The following DGKA variants were observed in gnomAD, a reference collection of about 807,000 sequenced individuals.
DGKA encodes the protein diacylglycerol kinase alpha, also known as 80 kDa diacylglycerol kinase.
Under a neutral mutation model 105.0 loss-of-function variants are expected in DGKA, and 35 were observed. The observed-to-expected ratio is 0.33, with a 90% CI of 0.25 to 0.44. DGKA has a LOEUF of 0.44. Among genes scored for constraint, DGKA ranks in the 20% least tolerant of loss-of-function variants. DGKA has a pLI of 1.00. For missense variants in DGKA, 665 were observed against 915.0 expected (o/e 0.73, Z 3.53); for synonymous variants, 296 against 332.0 (o/e 0.89, Z 1.18).
intron 17 of DGKA, among the ~76,000 whole-genome samples, chr12:55,944,074 T>C (rs1391892949): frequency 1.3e-5 from 2 of 152,164 alleles, no homozygotes; most frequent in Non-Finnish European, 2.9e-5. Context: ...GGTCAGAAGA[T>C]CGCTTTAAGC....
Position 55,953,053 on chromosome 12 carries a change from G to A in DGKA, c.1956G>A (p.Lys652=). ...CTTCGTCCCCAGACCTAAGTGACAA[G>A]AGACTGGAAGTGGTTGGGCTGGAGG... ...LKTCVPDLSD[K]RLEVVGLEGA... is the part of the protein sequence containing the mutation. Residue 652 remains lysine (K), a synonymous_variant, in exon 22 of 24, where the codon AAG becomes AAA. Coordinates refer to ENST00000331886, the MANE Select transcript of DGKA (RefSeq NM_001345.5). The A allele has an allele frequency of 4.3e-6, 7 of 1,614,182 alleles. No homozygotes were observed. Among genetic ancestry groups the A allele is most frequent in the East Asian group, 2.2e-5 (1 of 44,882 alleles).
rs1484555541 is a variant in DGKA, at chr12:55,953,065, G to T, written c.1968G>T (p.Val656=). ...VPDLSDKRLE[V]VGLEGAIEMG... Reference sequence around the variant, plus strand: ...ACCTAAGTGACAAGAGACTGGAAGTGGTTGGGCTGGAGGGTGCAATTGAGA... The same window carrying T: ...ACCTAAGTGACAAGAGACTGGAAGTTGTTGGGCTGGAGGGTGCAATTGAGA... The change falls in exon 22 of 24, where the codon GTG becomes GTT. Residue 656 remains valine, a synonymous_variant. Coordinates refer to ENST00000331886, the MANE Select transcript of DGKA (RefSeq NM_001345.5). 2.5e-6 allele frequency: 4 copies of T among 1,614,046 alleles called. No homozygotes were observed. Among genetic ancestry groups the T allele is most frequent in the Non-Finnish European group, 3.4e-6 (4 of 1,180,044 alleles).
intron 8 of DGKA, 39 bp from the exon 9 acceptor site, chr12:55,939,376 G>A: frequency 6.2e-7 from 1 of 1,613,840 alleles, no homozygotes; most frequent in Admixed American, 1.7e-5. Context: ...GGCCCTGTAA[G>A]GGCTTTGACA....
chr12:55,940,978 C>A lies in DGKA; in HGVS notation c.1099C>A (p.Arg367=). The change falls in exon 13 of 24, where the codon CGG becomes AGG. Residue 367 remains arginine (R), a splice_region_variant and synonymous_variant. Transcript: ENST00000331886. The surrounding 1 kb of genome is among the most constrained non-coding windows in gnomAD (Gnocchi z 4.3). ...AAATTTGAGCACCTCTGAGGCTCTG[C>A]GGGTACAGGGCTGAGAGTCTTGGGC... is the stretch of plus-strand genomic sequence containing the variant. ...DLNLSTSEAL[R]IDPVPNTHPL... 1.9e-6 allele frequency: 3 copies of A among 1,613,492 alleles called. No individual in the cohort carries two copies. The highest frequency in any genetic ancestry group is 1.7e-6 in the Non-Finnish European group (2 of 1,179,682).
intron 1 of DGKA, chr12:55,933,415 C>T (rs1884048818): frequency 1.3e-5 from 2 of 152,148 alleles, no homozygotes; most frequent in Admixed American, 1.3e-4. Context: ...CAGACCCCAC[C>T]CTCCCAGCCC....
At chr12:55,946,044 T>C (rs767550720) in intron 17 of DGKA, among the ~76,000 whole-genome samples, 1 of 152,178 alleles carries the variant, frequency 6.6e-6, no homozygotes, top group Non-Finnish European at 1.5e-5. Context: ...TGCCTCAGCC[T>C]CCCAAAGTGC....
upstream of DGKA, chr12:55,927,760 A>G (rs1254945367): frequency 3.2e-6 from 5 of 1,539,236 alleles, no homozygotes; most frequent in Admixed American, 2.0e-5. Context: ...GGCAGCTTCC[A>G]TGGCCGAAGA....
rs775942928 is a variant in DGKA, at chr12:55,952,316, G to A, written c.1653-25G>A. On this transcript the variant is annotated intron_variant, in intron 19 of 23. Coordinates refer to ENST00000331886, the MANE Select transcript of DGKA (RefSeq NM_001345.5). The surrounding 1 kb of genome is among the most constrained non-coding windows in gnomAD (Gnocchi z 5.1). ...ACTGTGTAACCTGTCCCTCCCTACT[G>A]GGCCTTGTGTTGGGGCTGACACAGA... is the stretch of plus-strand genomic sequence containing the variant. 1 of 1,611,814 alleles carries A rather than the reference G, an allele frequency of 6.2e-7. No homozygotes were observed. The highest frequency in any genetic ancestry group is 1.1e-5 in the South Asian group (1 of 91,018).
upstream of DGKA, chr12:55,927,663 A>C: frequency 2.0e-6 from 3 of 1,530,818 alleles, no homozygotes; most frequent in Non-Finnish European, 8.8e-7. Context: ...CGGCCAACCC[A>C]CTCAACCACC....
chr12:55,928,059 C>G (rs189061360), upstream of DGKA: 1 of 455,228 alleles, frequency 2.2e-6, no homozygotes, highest in Non-Finnish European at 3.9e-6. Context: ...CTGCCCTGCG[C>G]CGTACCTCCC....
At chr12:55,939,929 G>A (rs1885545797) in intron 9 of DGKA, 153 bp from the exon 10 acceptor site, 3 of 673,166 alleles carry the variant, frequency 4.5e-6, no homozygotes, top group Middle Eastern at 4.1e-4. Flanking sequence ...AGGAAAAGGC[G>A]TGGGTTTTGG....
rs1480263428 is a variant in DGKA, at chr12:55,939,479, A to G, written c.659A>G (p.Asn220Ser). ...AGGTTCCCCAGACCAGTCTACTGCA[A>G]TCTGTGCGAGTCAAGCATTGGTCTT... ...PKRFPRPVYC[N>S]LCESSIGLGK... The change falls in exon 9 of 24, where the codon AAT becomes AGT. Residue 220 changes from asparagine (N) to serine (S), a missense_variant. By Grantham distance (46) the Asn-to-Ser change is conservative. Transcript: ENST00000331886. 6.2e-7 allele frequency: 1 copy of G among 1,614,106 alleles called. No individual in the cohort carries two copies. The highest frequency in any genetic ancestry group is 2.2e-5 in the East Asian group (1 of 44,896).
At chr12:55,945,364 C>A (rs529258577) in intron 17 of DGKA, among the ~76,000 whole-genome samples, 1 of 152,182 alleles carries the variant, frequency 6.6e-6, no homozygotes, top group East Asian at 1.9e-4. Context: ...TGGTAAACAC[C>A]CTATTTAACA....
At chr12:55,936,152 G>A in intron 1 of DGKA, 1 of 587,488 alleles carries the variant, frequency 1.7e-6, no homozygotes, top group Non-Finnish European at 2.3e-6. Context: ...GTGGTCAGAT[G>A]AATCAAGATA....
chr12:55,948,198 A>C (rs1887428283), intron 17 of DGKA, among the ~76,000 whole-genome samples: 2 of 148,480 alleles, frequency 1.3e-5, no homozygotes, highest in African/African-American at 5.0e-5. Flanking sequence ...TCAGGACTTC[A>C]AGACCAGCCT....
intron 15 of DGKA, 94 bp from the exon 16 acceptor site, chr12:55,941,904 C>T (rs1886087851): frequency 8.5e-6 from 11 of 1,301,672 alleles, no homozygotes; most frequent in Middle Eastern, 2.0e-4. Flanking sequence ...GAGGGTCCTA[C>T]GGAATGAGAG....
chr12:55,927,890 T>G, upstream of DGKA: 1 of 1,230,878 alleles, frequency 8.1e-7, no homozygotes, highest in Non-Finnish European at 1.1e-6. Context: ...CTCCTAACCC[T>G]GAGTGCCTCC....
Position 55,952,595 on chromosome 12 carries a change from C to A in DGKA, c.1744-139C>A. ...CCAAGTCCTCAAGATACACTAGTCC[C>A]TATTTCCATTCCTTGCACACCTCCA... is the stretch of plus-strand genomic sequence containing the variant. On this transcript the variant is annotated intron_variant, in intron 20 of 23. Coordinates refer to ENST00000331886, the MANE Select transcript of DGKA (RefSeq NM_001345.5). This position sits in a 1 kb window ranked among gnomAD's most constrained non-coding sequence, Gnocchi z 5.1. The A allele has an allele frequency of 8.3e-7, 1 of 1,209,920 alleles. No homozygotes were observed. Among genetic ancestry groups the A allele is most frequent in the East Asian group, 2.4e-5 (1 of 42,406 alleles). 74.9% of individuals were successfully genotyped at this position (1,209,920 alleles called of 1,614,324 possible).
In DGKA at chr12:55,937,602, G is replaced by A. The variant is rs1885011899; in HGVS notation, c.274+59G>A. The A allele has an allele frequency of 3.8e-6, 6 of 1,583,164 alleles. No individual in the cohort carries two copies. In the East Asian group the frequency reaches 1.3e-4, roughly 36 times the overall value. On this transcript the variant is annotated intron_variant, in intron 4 of 23. Transcript: ENST00000331886. Reference sequence around the variant, plus strand: ...CTGGCAGAAAAATCAAACTAGTATGGATTTGGGGTTGAGAATTAACTTGAG... The same window carrying A: ...CTGGCAGAAAAATCAAACTAGTATGAATTTGGGGTTGAGAATTAACTTGAG...
Sources: allele counts gnomAD v4.1 joint callset (sites outside exome capture counted in the v4.1 genomes callset), GRCh38; gene constraint gnomAD v4.1.1; non-coding constraint Gnocchi (gnomAD v3.1); transcripts MANE v1.5; gene names NCBI Gene and HGNC (gene_info 2026-07-23, HGNC 2026-07-21).